CLEC16A: variants seen among roughly 807,000 people sequenced by gnomAD.
CLEC16A encodes the protein C-type lectin domain containing 16A, also known as protein CLEC16A.
CLEC16A carries 51 observed loss-of-function variants against 109.5 expected under a neutral mutation model. The ratio of observed to expected loss-of-function variants is 0.47; its 90% CI spans 0.37 to 0.59. CLEC16A has a LOEUF of 0.59. Ranked by LOEUF, CLEC16A falls within the 20% of genes least tolerant of loss-of-function variation. The pLI, the probability that CLEC16A is intolerant of heterozygous loss-of-function variation, is 0.00. For missense variants in CLEC16A, 1,339 were observed against 1,394.0 expected (o/e 0.96, Z 0.63); for synonymous variants, 673 against 564.2 (o/e 1.19, Z -2.73).
At position 11,069,942 on chromosome 16, in the gene CLEC16A, T is replaced by A. The variant is rs769103636; in HGVS notation, c.2116+8920T>A. ...ACGACACCATTTTATATGAAGGACT[T>A]GAGCATCTGTGGATTCTGGTGTCCT... On this transcript the variant is annotated intron_variant, in intron 19 of 23. Transcript: ENST00000409790. Among the ~76,000 whole-genome samples the A allele has an allele frequency of 4.0e-4, 61 of 152,198 alleles. 1 individual carries two copies. The highest frequency in any genetic ancestry group is 8.1e-4 in the Non-Finnish European group (55 of 68,032).
At chr16:10,978,125 C>T (rs908682890) in intron 8 of CLEC16A, among the ~76,000 whole-genome samples, 2 of 152,208 alleles carry the variant, frequency 1.3e-5, no homozygotes, top group South Asian at 2.1e-4. Flanking sequence ...ACTCAGGGAA[C>T]GGTCCCAGGG....
intron 11 of CLEC16A, among the ~76,000 whole-genome samples, chr16:11,006,245 G>A (rs1397275232): frequency 1.3e-5 from 2 of 152,142 alleles, no homozygotes; most frequent in Non-Finnish European, 2.9e-5. Flanking sequence ...ATTCTGGACC[G>A]ATTGGCCTGG....
intron 10 of CLEC16A, among the ~76,000 whole-genome samples, chr16:10,998,367 T>G (rs1156367996): frequency 6.6e-6 from 1 of 152,276 alleles, no homozygotes; most frequent in African/African-American, 2.4e-5. Flanking sequence ...GCAAAGAGGC[T>G]CCTTCCCTTC....
At chr16:11,031,540 G>T (rs2046743695) in intron 13 of CLEC16A, among the ~76,000 whole-genome samples, 1 of 152,166 alleles carries the variant, frequency 6.6e-6, no homozygotes, top group African/African-American at 2.4e-5. Context: ...CAAGGAAATT[G>T]AATTCCTTCT....
intron 12 of CLEC16A, among the ~76,000 whole-genome samples, chr16:11,022,772 G>A (rs2046187415): frequency 2.6e-5 from 4 of 151,748 alleles, no homozygotes; most frequent in East Asian, 1.9e-4. Context: ...GGTGGCGAGC[G>A]CTTGTGGTCC....
intron 19 of CLEC16A, among the ~76,000 whole-genome samples, chr16:11,111,831 T>G (rs769986071): frequency 6.6e-6 from 1 of 152,248 alleles, no homozygotes; most frequent in Non-Finnish European, 1.5e-5. Context: ...GTTTTTCCAT[T>G]CATGGTAATG....
intron 11 of CLEC16A, among the ~76,000 whole-genome samples, chr16:11,007,181 C>G (rs1166902041): frequency 6.6e-6 from 1 of 152,104 alleles, no homozygotes; most frequent in East Asian, 1.9e-4. Context: ...AGTAATTGCC[C>G]GGACTCACCT....
chr16:10,991,836 G>A (rs2044035350), intron 10 of CLEC16A, among the ~76,000 whole-genome samples: 1 of 152,236 alleles, frequency 6.6e-6, no homozygotes, highest in Non-Finnish European at 1.5e-5. Context: ...TGAGCAAGAA[G>A]GGAGCATTTT....
intron 19 of CLEC16A, among the ~76,000 whole-genome samples, chr16:11,112,115 T>C (rs1216930734): frequency 6.6e-6 from 1 of 152,002 alleles, no homozygotes; most frequent in Non-Finnish European, 1.5e-5. Context: ...TCAGGAAGTG[T>C]CAAAAGTACA....
intron 2 of CLEC16A, among the ~76,000 whole-genome samples, chr16:10,958,501 C>A (rs1345788063): frequency 6.6e-6 from 1 of 152,220 alleles, no homozygotes; most frequent in Non-Finnish European, 1.5e-5. Context: ...CCCTAAGCCT[C>A]AGTTTCTTTA....
At chr16:11,047,580 G>A (rs1457671255) in intron 17 of CLEC16A, 1 of 349,092 alleles carries the variant, frequency 2.9e-6, no homozygotes, top group Admixed American at 4.7e-5. Flanking sequence ...TCTCTGCTAT[G>A]AATAGTAATT....
chr16:11,111,519 G>C (rs758766346), intron 19 of CLEC16A, among the ~76,000 whole-genome samples: 7 of 152,218 alleles, frequency 4.6e-5, no homozygotes, highest in African/African-American at 7.2e-5. Flanking sequence ...GAGAAGGGTA[G>C]ACCCCACCAC....
intron 19 of CLEC16A, among the ~76,000 whole-genome samples, chr16:11,068,986 C>CTTTTTTTTTT (rs34421150): frequency 7.3e-5 from 9 of 123,448 alleles, no homozygotes; most frequent in African/African-American, 1.2e-4. Context: ...GGCTAATTTT[C>CTTTTTTTTTT]TTTTTTTTTT....
chr16:10,979,880 C>T (rs1051030496), intron 9 of CLEC16A, among the ~76,000 whole-genome samples: 1 of 152,188 alleles, frequency 6.6e-6, no homozygotes, highest in Non-Finnish European at 1.5e-5. Flanking sequence ...GCAACCTTAG[C>T]TCTCAGATTT....
intron 17 of CLEC16A, chr16:11,048,648 A>G (rs1378543192): frequency 6.6e-6 from 1 of 152,086 alleles, no homozygotes; most frequent in Non-Finnish European, 1.5e-5. Context: ...TTCAGGGGAA[A>G]GGTGTAAATT....
chr16:10,946,583 G>A (rs898068478), intron 1 of CLEC16A, among the ~76,000 whole-genome samples: 7 of 152,098 alleles, frequency 4.6e-5, no homozygotes, highest in African/African-American at 1.7e-4. Flanking sequence ...TTATCGAGTG[G>A]GCGGAGGTGG....
At chr16:11,154,105 C>G (rs76546638) in intron 22 of CLEC16A, among the ~76,000 whole-genome samples, 2,246 of 152,344 alleles carry the variant, frequency 0.015, 46 homozygotes, top group African/African-American at 0.051. Flanking sequence ...CACACATGCG[C>G]AGACAGGGCA....
intron 1 of CLEC16A, among the ~76,000 whole-genome samples, chr16:10,950,516 C>G (rs2041672877): frequency 6.6e-6 from 1 of 152,198 alleles, no homozygotes; most frequent in South Asian, 2.1e-4. Context: ...CATCCCCGGC[C>G]CAGCCTCACT....
At position 11,018,447 on chromosome 16, in the gene CLEC16A, C is replaced by T. The variant is rs1478676441; in HGVS notation, c.1304-1746C>T. ...GCAGAGGAAATTACTGTGTAAAGAT[C>T]CTTGGATAGAAACAAGCTTGGGCCA... is the stretch of plus-strand genomic sequence containing the variant. On this transcript the variant is annotated intron_variant, in intron 11 of 23. Transcript: ENST00000409790. 2.0e-5 allele frequency among the ~76,000 whole-genome samples: 3 copies of T among 151,092 alleles called. No individual in the cohort carries two copies. The South Asian group carries it at 6.3e-4, about 32-fold the overall frequency.
Sources: allele counts gnomAD v4.1 joint callset (sites outside exome capture counted in the v4.1 genomes callset), GRCh38; gene constraint gnomAD v4.1.1; transcripts MANE v1.5; gene names NCBI Gene and HGNC (gene_info 2026-07-23, HGNC 2026-07-21).